Variants in NEK7 observed in about 807,000 individuals in gnomAD.
NEK7 encodes serine/threonine-protein kinase Nek7.
Under a neutral mutation model 44.6 loss-of-function variants are expected in NEK7, and 18 were observed. The ratio of observed to expected loss-of-function variants is 0.40; its 90% CI spans 0.28 to 0.60. The LOEUF (loss-of-function observed/expected upper bound fraction) is 0.60. Ranked by LOEUF, NEK7 falls within the 20% of genes least tolerant of loss-of-function variation. The pLI is 0.38. For missense variants in NEK7, 256 were observed against 366.5 expected (o/e 0.70, Z 2.46); for synonymous variants, 130 against 121.1 (o/e 1.07, Z -0.48).
At chr1:198,254,608 A>G (rs1354407188) in intron 3 of NEK7, among the ~76,000 whole-genome samples, 1 of 152,140 alleles carries the variant, frequency 6.6e-6, no homozygotes, top group Admixed American at 6.6e-5. Flanking sequence ...GTTATTTGCT[A>G]TTACAAACAA....
At chr1:198,196,801 G>A (rs1020246148) in intron 1 of NEK7, among the ~76,000 whole-genome samples, 24 of 152,314 alleles carry the variant, frequency 1.6e-4, no homozygotes, top group Admixed American at 1.2e-3. Flanking sequence ...AGACTGGCTG[G>A]CAGATGAGTA....
intron 5 of NEK7, among the ~76,000 whole-genome samples, chr1:198,269,183 C>G (rs1296528775): frequency 6.6e-6 from 1 of 152,070 alleles, no homozygotes; most frequent in African/African-American, 2.4e-5. Flanking sequence ...GCTCATAGCA[C>G]CAACTTCAAT....
chr1:198,228,779 G>A (rs1330142742), intron 1 of NEK7, among the ~76,000 whole-genome samples: 1 of 152,124 alleles, frequency 6.6e-6, no homozygotes, highest in Non-Finnish European at 1.5e-5. Flanking sequence ...CTGAGACAAT[G>A]GGGTTTCTAG....
intron 3 of NEK7, chr1:198,256,449 A>C (rs754828781): frequency 6.2e-7 from 1 of 1,607,240 alleles, no homozygotes; most frequent in African/African-American, 1.3e-5. Context: ...CTTTTTGAAA[A>C]TTTACCTGTA....
intron 2 of NEK7, 49 bp from the exon 3 acceptor site, chr1:198,252,991 T>C (rs1191023754): frequency 1.3e-6 from 2 of 1,499,114 alleles, no homozygotes; most frequent in Non-Finnish European, 1.8e-6. Flanking sequence ...TTGTGTGTAT[T>C]GCGTGTATAT....
chr1:198,307,550 G>T (rs1218878593), intron 9 of NEK7, among the ~76,000 whole-genome samples: 1 of 152,030 alleles, frequency 6.6e-6, no homozygotes, highest in Non-Finnish European at 1.5e-5. Flanking sequence ...CCACTACACG[G>T]CACACTATTT....
intron 1 of NEK7, among the ~76,000 whole-genome samples, chr1:198,165,953 ATTTTTATATGATAGAGATGACATAT>A (rs1664253943): frequency 6.6e-6 from 1 of 152,240 alleles, no homozygotes; most frequent in Non-Finnish European, 1.5e-5. Flanking sequence ...TTCAACTTGC[ATTTTTATATGATAGAGATGACATAT>A]TTCCTTGGAC....
At chr1:198,260,113 C>T (rs533739290) in intron 3 of NEK7, among the ~76,000 whole-genome samples, 1 of 152,240 alleles carries the variant, frequency 6.6e-6, no homozygotes, top group South Asian at 2.1e-4. Flanking sequence ...TGGGCATTAA[C>T]AGTTTAAGCT....
intron 4 of NEK7, 51 bp from the exon 5 acceptor site, chr1:198,264,074 C>G: frequency 6.5e-7 from 1 of 1,536,356 alleles, no homozygotes; most frequent in Non-Finnish European, 8.7e-7. Context: ...ATAAGTGACT[C>G]TTGGATATTT....
chr1:198,258,861 A>G (rs539398750), intron 3 of NEK7, among the ~76,000 whole-genome samples: 28 of 152,256 alleles, frequency 1.8e-4, no homozygotes, highest in African/African-American at 6.5e-4. Flanking sequence ...CAAAGTCCAT[A>G]TTTTCACCCA....
chr1:198,231,301 G>GTATATA lies in NEK7; in HGVS notation c.-28-1221_-28-1216dup, dbSNP rs749263549. Among the ~76,000 whole-genome samples the GTATATA allele has an allele frequency of 4.4e-3, 386 of 86,914 alleles. 1 individual carries two copies. Among genetic ancestry groups the GTATATA allele is most frequent in the Non-Finnish European group, 6.5e-3 (306 of 47,196 alleles). 57.0% of individuals were successfully genotyped at this position (86,914 alleles called of 152,430 possible). A position where few individuals can be genotyped will look rare whatever the true frequency, so the allele number is the denominator to read the frequency against. On this transcript the variant is annotated intron_variant, in intron 1 of 9. Transcript: ENST00000367385. ...TGTGTATATACGTGTATGTGTGTGT[G>GTATATA]TATATATATATATATATATATATAT...
rs547008774 is a variant in NEK7 at position 198,201,051 on chromosome 1, TAG to T, written c.-28-31497_-28-31496del. Among the ~76,000 whole-genome samples, 46 of 152,336 alleles carry T rather than the reference TAG, an allele frequency of 3.0e-4. 1 individual carries two copies. In the South Asian group the frequency reaches 9.5e-3, roughly 32 times the overall value. ...TTGTTGAGATTTATAGGATTTTAGG[TAG>T]AGAGTGATTTTTGTGGTACATAATG... is the stretch of plus-strand genomic sequence containing the variant. On this transcript the variant is annotated intron_variant, in intron 1 of 9. Transcript: ENST00000367385.
chr1:198,274,172 T>TTTTTTTTTTTTTTTTTTGAGACG (rs1653941868), intron 5 of NEK7, among the ~76,000 whole-genome samples: 1 of 143,820 alleles, frequency 7.0e-6, no homozygotes, highest in Non-Finnish European at 1.5e-5. Context: ...AGTTCTCTTA[T>TTTTTTTTTTTTTTTTTTGAGACG]GACTTCATTA....
chr1:198,243,405 CTCTG>C (rs1334338864), intron 2 of NEK7, among the ~76,000 whole-genome samples: 3 of 152,182 alleles, frequency 2.0e-5, no homozygotes, highest in East Asian at 1.9e-4. Context: ...TTTACTCTGT[CTCTG>C]TCTTTCAGTA....
chr1:198,317,882 T>TA (rs57928757), intron 9 of NEK7, among the ~76,000 whole-genome samples: 11 of 133,894 alleles, frequency 8.2e-5, no homozygotes, highest in Non-Finnish European at 1.6e-4. Flanking sequence ...TATTTATTTT[T>TA]TTTTTTTTTT....
rs1665082151 is a variant in NEK7, at chr1:198,191,844, C to T, written c.-29+34568C>T. 1.3e-5 allele frequency among the ~76,000 whole-genome samples: 2 copies of T among 151,920 alleles called. 1 individual carries two copies. Among genetic ancestry groups the T allele is most frequent in the South Asian group, 4.1e-4 (2 of 4,828 alleles). ...GTACGTGTGTATGTATTTATTGATT[C>T]AAAATAATTGATAACCAGCTATCCT... On this transcript the variant is annotated intron_variant, in intron 1 of 9. Coordinates refer to ENST00000367385, the MANE Select transcript of NEK7 (RefSeq NM_133494.3).
chr1:198,160,507 G>A (rs1468859444), intron 1 of NEK7, among the ~76,000 whole-genome samples: 2 of 152,040 alleles, frequency 1.3e-5, no homozygotes, highest in African/African-American at 2.4e-5. Context: ...TCAGTGCATC[G>A]TCTATAAAAC....
At chr1:198,169,299 T>C (rs192964266) in intron 1 of NEK7, among the ~76,000 whole-genome samples, 180 of 152,314 alleles carry the variant, frequency 1.2e-3, no homozygotes, top group African/African-American at 4.1e-3. Flanking sequence ...ATTTGCCAAC[T>C]TTCCACAGTT....
At position 198,321,126 on chromosome 1, in the gene NEK7, A is replaced by G. The variant is rs560443949; in HGVS notation, c.*1604A>G. 2.0e-5 allele frequency: 3 copies of G among 152,254 alleles called. No individual in the cohort carries two copies. The highest frequency in any genetic ancestry group is 4.8e-5 in the African/African-American group (2 of 41,550). The allele number at this position is 152,254 out of a possible 1,614,324, so 9.4% of individuals were successfully genotyped here. On this transcript the variant is annotated 3_prime_UTR_variant, in exon 10 of 10. Transcript: ENST00000367385. Reference sequence around the variant, plus strand: ...GATGTAACTGCTGGTTTTGTTTTTCATATGTGTTTTTCTTACACTCATTTG... The same window carrying G: ...GATGTAACTGCTGGTTTTGTTTTTCGTATGTGTTTTTCTTACACTCATTTG...
Sources: gnomAD v4.1 joint callset for allele counts (sites outside exome capture counted in the v4.1 genomes callset) on GRCh38, gnomAD v4.1.1 for gene constraint, MANE v1.5 for transcripts, NCBI Gene and HGNC (gene_info 2026-07-23, HGNC 2026-07-21) for gene names.